The following SMYD3 variants were observed in gnomAD, a reference collection of about 807,000 sequenced individuals.
SMYD3 encodes histone-lysine N-methyltransferase SMYD3.
A neutral mutation model predicts 57.7 loss-of-function variants in SMYD3; 36 were observed. That is an observed-to-expected ratio of 0.62 (90% CI 0.48 to 0.82). The LOEUF (loss-of-function observed/expected upper bound fraction) is 0.82, where lower values mean the gene tolerates loss of function less well. Among genes scored for constraint, SMYD3 ranks in the 40% least tolerant of loss-of-function variants. The pLI is 0.00. For missense variants in SMYD3, 515 were observed against 538.8 expected (o/e 0.96, Z 0.44); for synonymous variants, 211 against 195.0 (o/e 1.08, Z -0.68).
chr1:246,307,755 C>T (rs1294631386), intron 5 of SMYD3, among the ~76,000 whole-genome samples: 1 of 152,076 alleles, frequency 6.6e-6, no homozygotes, highest in Non-Finnish European at 1.5e-5. Flanking sequence ...GAAAGCAGCA[C>T]GAGGAGGGCT....
At position 245,863,885 on chromosome 1, in the gene SMYD3, T is replaced by A; in HGVS notation, c.815A>T (p.Asp272Val). 1 of 1,614,034 alleles carries A rather than the reference T, an allele frequency of 6.2e-7. No homozygotes were observed. The highest frequency in any genetic ancestry group is 8.5e-7 in the Non-Finnish European group (1 of 1,179,914). Residue 272 changes from aspartate to valine, a missense_variant and splice_region_variant, in exon 9 of 12, where the codon GAT becomes GTT. Physicochemically the swap from Asp to Val is radical, Grantham distance 152. Transcript: ENST00000490107. The stretch of plus-strand genomic sequence containing the variant: ...CTCATCACCAGTTAGCATATCAGCA[T>A]CCTGCTCAGGCCAGAAAAGGAAGAC... ...DCFRCQTQDK[D>V]ADMLTGDEQV...
chr1:246,185,568 T>A (rs1034638131), intron 5 of SMYD3, among the ~76,000 whole-genome samples: 26 of 151,480 alleles, frequency 1.7e-4, no homozygotes, highest in Non-Finnish European at 3.1e-4. Context: ...TTCAAGCCAT[T>A]CTCCTGCCTC....
chr1:245,893,373 A>C (rs553446078), intron 8 of SMYD3, among the ~76,000 whole-genome samples: 19 of 152,354 alleles, frequency 1.2e-4, no homozygotes, highest in African/African-American at 4.6e-4. Flanking sequence ...ATTTGTCCAA[A>C]TAAAATGAAA....
Position 246,172,427 on chromosome 1 carries a change from C to G in SMYD3, c.531+154774G>C, listed in dbSNP as rs111906249. Among the ~76,000 whole-genome samples the G allele has an allele frequency of 6.1e-4, 87 of 143,324 alleles. 1 individual carries two copies. Among genetic ancestry groups the G allele is most frequent in the African/African-American group, 2.1e-3 (81 of 37,982 alleles). The allele number at this position is 143,324 out of a possible 152,430, so 94.0% of individuals were successfully genotyped here. On this transcript the variant is annotated intron_variant, in intron 5 of 11. Coordinates refer to ENST00000490107, the MANE Select transcript of SMYD3 (RefSeq NM_001167740.2). ...CTGTAGACTTTATCAACACTACACA[C>G]TTAGGCTACACAGGCCTAGAACACT...
At position 246,003,258 on chromosome 1, in the gene SMYD3, C is replaced by T. The variant is rs550168228; in HGVS notation, c.532-73321G>A. Among the ~76,000 whole-genome samples the T allele has an allele frequency of 3.3e-5, 5 of 152,294 alleles. No individual in the cohort carries two copies. The South Asian group carries it at 8.3e-4, about 25-fold the overall frequency. On this transcript the variant is annotated intron_variant, in intron 5 of 11. Coordinates refer to ENST00000490107, the MANE Select transcript of SMYD3 (RefSeq NM_001167740.2). ...CAGGTCATTAGGCTTTGGAGGATCC[C>T]CACAGAAGGTTGTCATCTGCTTCTC...
intron 9 of SMYD3, among the ~76,000 whole-genome samples, chr1:245,861,174 AAG>A (rs1328745752): frequency 2.0e-5 from 3 of 152,234 alleles, no homozygotes; most frequent in Admixed American, 2.0e-4. Flanking sequence ...AATTTTAACT[AAG>A]AGGCTTTTCC....
chr1:246,402,405 C>T (rs916453611), intron 1 of SMYD3, among the ~76,000 whole-genome samples: 9 of 87,868 alleles, frequency 1.0e-4, no homozygotes, highest in Non-Finnish European at 1.8e-4. Flanking sequence ...TATCTGAGCA[C>T]GTGATACCTC....
chr1:246,236,471 G>A (rs892590926), intron 5 of SMYD3, among the ~76,000 whole-genome samples: 83 of 152,180 alleles, frequency 5.5e-4, no homozygotes, highest in African/African-American at 1.9e-3. Context: ...CTGGAGTGCA[G>A]TGGTGCGATC....
rs533766770 is a variant in SMYD3, at chr1:246,419,017, C to A, written c.165-63923G>T. On this transcript the variant is annotated intron_variant, in intron 1 of 11. Transcript: ENST00000490107. Reference sequence around the variant, plus strand: ...GTGATCAATTGACTTTGTGACAATACCCCCTCCCCGCCCTTGCGATAATGG... The same window carrying A: ...GTGATCAATTGACTTTGTGACAATAACCCCTCCCCGCCCTTGCGATAATGG... Among the ~76,000 whole-genome samples the A allele has an allele frequency of 2.8e-5, 4 of 142,268 alleles. No homozygotes were observed. The East Asian group carries it at 7.7e-4, about 28-fold the overall frequency. The allele number at this position is 142,268 out of a possible 152,430, so 93.3% of individuals were successfully genotyped here.
chr1:246,431,502 G>T (rs2067296004), intron 1 of SMYD3, among the ~76,000 whole-genome samples: 1 of 152,180 alleles, frequency 6.6e-6, no homozygotes, highest in Non-Finnish European at 1.5e-5. Flanking sequence ...GGCCAAGGTG[G>T]GTGGATGGCT....
rs116213616 is a variant in SMYD3, at chr1:245,879,890, G to A, written c.814-16004C>T. Among the ~76,000 whole-genome samples the A allele has an allele frequency of 1.6e-3, 241 of 152,252 alleles. 1 individual carries two copies. Among genetic ancestry groups the A allele is most frequent in the Middle Eastern group, 3.4e-3 (1 of 294 alleles). On this transcript the variant is annotated intron_variant, in intron 8 of 11. Transcript: ENST00000490107. ...CTTATTAAGAATTTTAAAACATGGT[G>A]TACCCTAGAGACAGCACAGGTGCGT...
chr1:246,171,872 A>G (rs1572151256), intron 5 of SMYD3, among the ~76,000 whole-genome samples: 1 of 152,140 alleles, frequency 6.6e-6, no homozygotes, highest in African/African-American at 2.4e-5. Context: ...TTAACCCAGC[A>G]TGTTGGCAAA....
intron 5 of SMYD3, among the ~76,000 whole-genome samples, chr1:245,988,137 CACA>C (rs2058741954): frequency 2.7e-5 from 4 of 149,552 alleles, no homozygotes; most frequent in African/African-American, 4.9e-5. Context: ...CACACACACA[CACA>C]CCGCCACCCA....
At chr1:246,148,326 C>T (rs928611914) in intron 5 of SMYD3, among the ~76,000 whole-genome samples, 2 of 152,092 alleles carry the variant, frequency 1.3e-5, no homozygotes, top group Admixed American at 6.5e-5. Context: ...GATGTCTGAA[C>T]GGCCTGCTTG....
At position 245,857,943 on chromosome 1, in the gene SMYD3, C is replaced by A. The variant is rs73138796; in HGVS notation, c.1076+553G>T. On this transcript the variant is annotated intron_variant, in intron 10 of 11. Coordinates refer to ENST00000490107, the MANE Select transcript of SMYD3 (RefSeq NM_001167740.2). ...GAAGCAATTACCTATAGTTCCTTCA[C>A]CTGACTCAAGGAGAAGCTGAGGCAG... 6.5e-3 allele frequency among the ~76,000 whole-genome samples: 995 copies of A among 152,248 alleles called. 11 individuals carry two copies. The highest frequency in any genetic ancestry group is 0.022 in the African/African-American group (903 of 41,568).
chr1:246,191,802 T>C (rs1270376358), intron 5 of SMYD3, among the ~76,000 whole-genome samples: 1 of 152,206 alleles, frequency 6.6e-6, no homozygotes, highest in African/African-American at 2.4e-5. Flanking sequence ...GAATCAAATA[T>C]GATAACACAG....
At chr1:245,895,784 G>A (rs1286398890) in intron 8 of SMYD3, among the ~76,000 whole-genome samples, 3 of 152,192 alleles carry the variant, frequency 2.0e-5, no homozygotes, top group Non-Finnish European at 4.4e-5. Context: ...CCAGCACAAA[G>A]TCATTTCTTT....
At chr1:246,155,716 G>A (rs1001576781) in intron 5 of SMYD3, among the ~76,000 whole-genome samples, 4 of 152,040 alleles carry the variant, frequency 2.6e-5, no homozygotes, top group African/African-American at 9.7e-5. Context: ...ACAGGGGCTC[G>A]TGCCTGTAAT....
At chr1:245,898,070 G>C (rs142806139) in intron 8 of SMYD3, among the ~76,000 whole-genome samples, 25 of 152,232 alleles carry the variant, frequency 1.6e-4, no homozygotes, top group African/African-American at 5.8e-4. Flanking sequence ...AATTTTGAAA[G>C]TAGTCTTTTA....
Sources: gnomAD v4.1 joint callset for allele counts (sites outside exome capture counted in the v4.1 genomes callset) on GRCh38, gnomAD v4.1.1 for gene constraint, MANE v1.5 for transcripts, NCBI Gene and HGNC (gene_info 2026-07-23, HGNC 2026-07-21) for gene names.